PRKD1: variants seen among roughly 807,000 people sequenced by gnomAD.
PRKD1 encodes protein kinase D1.
In PRKD1, 63 loss-of-function variants were observed where a neutral mutation model predicts 95.9. The observed-to-expected ratio is 0.66, with a 90% CI of 0.54 to 0.81. The LOEUF (loss-of-function observed/expected upper bound fraction) is 0.81, where lower values mean the gene tolerates loss of function less well. PRKD1 is among the 30% of genes least tolerant of loss of function. The probability of loss-of-function intolerance (pLI) is 0.00; values close to 1 mark genes in which losing one functional copy is unlikely to be tolerated. For synonymous variants in PRKD1, 425 were observed against 423.1 expected (o/e 1.00, Z -0.05); for missense variants, 1,048 against 1,165.3 (o/e 0.90, Z 1.47).
At chr14:29,583,996 T>G (rs1279000234) in intron 16 of PRKD1, among the ~76,000 whole-genome samples, 1 of 152,306 alleles carries the variant, frequency 6.6e-6, no homozygotes, top group East Asian at 1.9e-4. Flanking sequence ...AAACATTCTC[T>G]TTTAGCAGAA....
At chr14:29,691,551 G>A (rs969701604) in intron 2 of PRKD1, among the ~76,000 whole-genome samples, 2 of 152,178 alleles carry the variant, frequency 1.3e-5, no homozygotes, top group African/African-American at 4.8e-5. Context: ...GCAGAGGATG[G>A]CTAAAACAAT....
At chr14:29,787,080 A>C (rs983378602) in intron 1 of PRKD1, among the ~76,000 whole-genome samples, 16 of 151,628 alleles carry the variant, frequency 1.1e-4, no homozygotes, top group African/African-American at 3.6e-4. Context: ...TTATTTCTTC[A>C]TTGACTCACT....
intron 1 of PRKD1, among the ~76,000 whole-genome samples, chr14:29,867,405 G>A (rs1892948206): frequency 6.6e-6 from 1 of 152,134 alleles, no homozygotes; most frequent in Non-Finnish European, 1.5e-5. Context: ...CCTAGCAAGA[G>A]GAACAGCAAA....
chr14:29,760,828 T>G (rs1201184605), intron 1 of PRKD1, among the ~76,000 whole-genome samples: 1 of 152,234 alleles, frequency 6.6e-6, no homozygotes, highest in African/African-American at 2.4e-5. Context: ...TCTTCCTGTT[T>G]ATGTTTGGGT....
chr14:29,655,166 C>G (rs910846592), intron 4 of PRKD1, among the ~76,000 whole-genome samples: 1 of 152,182 alleles, frequency 6.6e-6, no homozygotes, highest in Non-Finnish European at 1.5e-5. Context: ...AGGAAAGATA[C>G]TAATTCACAT....
intron 1 of PRKD1, among the ~76,000 whole-genome samples, chr14:29,730,092 A>G (rs1398000636): frequency 1.3e-5 from 2 of 152,074 alleles, no homozygotes; most frequent in African/African-American, 4.8e-5. Flanking sequence ...AATAGAGTGA[A>G]GAGACCACCT....
intron 2 of PRKD1, among the ~76,000 whole-genome samples, chr14:29,699,206 T>C (rs933049450): frequency 1.3e-5 from 2 of 152,212 alleles, no homozygotes; most frequent in Non-Finnish European, 2.9e-5. Context: ...CAATGACTTT[T>C]TGTTTTACAA....
chr14:29,806,269 A>T (rs1021986606), intron 1 of PRKD1, among the ~76,000 whole-genome samples: 8 of 152,236 alleles, frequency 5.3e-5, no homozygotes, highest in Non-Finnish European at 1.2e-4. Context: ...TGGATTGGAC[A>T]TTTTGCTTCT....
intron 1 of PRKD1, among the ~76,000 whole-genome samples, chr14:29,756,302 A>C (rs2139474613): frequency 6.6e-6 from 1 of 152,290 alleles, no homozygotes; most frequent in East Asian, 1.9e-4. Flanking sequence ...ATGCTGCCAA[A>C]GTCTGTTTGA....
chr14:29,694,462 A>G lies in PRKD1; in HGVS notation c.404-28254T>C, dbSNP rs116772764. Among the ~76,000 whole-genome samples the G allele has an allele frequency of 8.7e-4, 133 of 152,344 alleles. 1 individual carries two copies. In the Middle Eastern group the frequency reaches 0.01, roughly 12 times the overall value. ...CTCAATGTTCTGATATTAAACGATG[A>G]AAAGGTTGCATTCTTCTAAGCAAGA... On this transcript the variant is annotated intron_variant, in intron 2 of 17. Coordinates refer to ENST00000331968, the MANE Select transcript of PRKD1 (RefSeq NM_002742.3).
intron 1 of PRKD1, among the ~76,000 whole-genome samples, chr14:29,889,204 T>C (rs1373765193): frequency 6.6e-6 from 1 of 152,216 alleles, no homozygotes; most frequent in Non-Finnish European, 1.5e-5. Flanking sequence ...AGCCTTTACT[T>C]CATTCAGACT....
chr14:29,785,749 C>G, intron 1 of PRKD1, among the ~76,000 whole-genome samples: 1 of 151,696 alleles, frequency 6.6e-6, no homozygotes, highest in Non-Finnish European at 1.5e-5. Flanking sequence ...GTGCAGCACA[C>G]CAGCATGGCA....
intron 1 of PRKD1, among the ~76,000 whole-genome samples, chr14:29,833,018 T>C (rs1375868996): frequency 2.0e-5 from 3 of 152,068 alleles, no homozygotes; most frequent in Non-Finnish European, 4.4e-5. Context: ...CCTGCGAAGT[T>C]GGAAATACAA....
At chr14:29,645,798 T>C (rs1881086087) in intron 4 of PRKD1, among the ~76,000 whole-genome samples, 1 of 152,112 alleles carries the variant, frequency 6.6e-6, no homozygotes, top group African/African-American at 2.4e-5. Flanking sequence ...ATTCTTCAGA[T>C]TTCAGTTCCC....
chr14:29,856,288 C>A (rs540669537), intron 1 of PRKD1, among the ~76,000 whole-genome samples: 1 of 152,210 alleles, frequency 6.6e-6, no homozygotes, highest in Admixed American at 6.5e-5. Flanking sequence ...CCAAATACAG[C>A]AACCTGAGCA....
chr14:29,800,343 C>T (rs1482799295), intron 1 of PRKD1, among the ~76,000 whole-genome samples: 3 of 152,148 alleles, frequency 2.0e-5, no homozygotes, highest in Non-Finnish European at 2.9e-5. Context: ...TGCGTAGAGG[C>T]GTGCTTGCAT....
At chr14:29,616,243 CAA>C (rs72142312) in intron 13 of PRKD1, among the ~76,000 whole-genome samples, 14 of 33,966 alleles carry the variant, frequency 4.1e-4, no homozygotes, top group South Asian at 1.6e-3. Context: ...AGAGTATGGC[CAA>C]AAAAAAAAAA....
At chr14:29,746,290 C>T (rs191207776) in intron 1 of PRKD1, among the ~76,000 whole-genome samples, 57 of 152,138 alleles carry the variant, frequency 3.7e-4, no homozygotes, top group Non-Finnish European at 7.4e-5. Context: ...AATAGATAAC[C>T]ACACCAACTT....
In PRKD1 at chr14:29,917,825, C is replaced by T. The variant is rs192691103; in HGVS notation, c.264+9424G>A. On this transcript the variant is annotated intron_variant, in intron 1 of 17. Coordinates refer to ENST00000331968, the MANE Select transcript of PRKD1 (RefSeq NM_002742.3). ...AATAATGAAACAAAATAAAACATAA[C>T]GCAATAGGATCCTTACTTGGACTGA... Among the ~76,000 whole-genome samples the T allele has an allele frequency of 2.2e-4, 34 of 152,060 alleles. No individual in the cohort carries two copies. The East Asian group carries it at 2.3e-3, about 10-fold the overall frequency.
Sources: allele counts gnomAD v4.1 joint callset (sites outside exome capture counted in the v4.1 genomes callset), GRCh38; gene constraint gnomAD v4.1.1; transcripts MANE v1.5; gene names NCBI Gene and HGNC (gene_info 2026-07-23, HGNC 2026-07-21).